The following PRSS27 variants were observed in gnomAD, a reference collection of about 807,000 sequenced individuals.
PRSS27 encodes serine protease 27.
A neutral mutation model predicts 32.0 loss-of-function variants in PRSS27; 25 were observed. The observed-to-expected ratio is 0.78, with a 90% CI of 0.57 to 1.09. The LOEUF (loss-of-function observed/expected upper bound fraction) is 1.09. PRSS27 is among the 50% of genes least tolerant of loss of function. The pLI, the probability that PRSS27 is intolerant of heterozygous loss-of-function variation, is 0.00. For missense variants in PRSS27, 401 were observed against 394.9 expected (o/e 1.02, Z -0.13); for synonymous variants, 178 against 172.2 (o/e 1.03, Z -0.26).
rs1329415199 is a variant in PRSS27 at position 2,712,785 on chromosome 16, G to A, written c.708C>T (p.Leu236=). 7.6e-6 allele frequency: 12 copies of A among 1,583,370 alleles called. No homozygotes were observed. The highest frequency in any genetic ancestry group is 2.3e-5 in the East Asian group (1 of 43,744). The change falls in exon 6 of 6, where the codon CTC becomes CTT. Residue 236 remains leucine (L), a synonymous_variant. Coordinates refer to ENST00000302641, the MANE Select transcript of PRSS27 (RefSeq NM_031948.5). The surrounding 1 kb of genome is among the most constrained non-coding windows in gnomAD (Gnocchi z 4.6). The stretch of plus-strand genomic sequence containing the variant: ...CCGCCTGCAGCCACGACTGACCCAC[G>A]AGGCACACCAGGGGGCCGCCCGAGT... ...KGDSGGPLVC[L]VGQSWLQAGV...
chr16:2,714,135 A>T lies in PRSS27; in HGVS notation c.438T>A (p.Pro146=). The part of the protein sequence containing the change: ...FTNYILPVCL[P]DPSVIFETGM... ...CCGTCTCAAAGATCACCGAGGGGTC[A>T]GGCAGGCACACGGGGAGGATGTAAT... The change falls in exon 4 of 6, where the codon CCT becomes CCA. Residue 146 remains proline (P), a synonymous_variant. Coordinates refer to ENST00000302641, the MANE Select transcript of PRSS27 (RefSeq NM_031948.5). This position sits in a 1 kb window ranked among gnomAD's most constrained non-coding sequence, Gnocchi z 4.7. 1 of 1,614,156 alleles carries T rather than the reference A, an allele frequency of 6.2e-7. No individual in the cohort carries two copies. Among genetic ancestry groups the T allele is most frequent in the Non-Finnish European group, 8.5e-7 (1 of 1,180,030 alleles).
rs75206622 is a variant in PRSS27 at position 2,714,144 on chromosome 16, C to T, written c.429G>A (p.Val143=). 4,144 of 1,614,178 alleles carry T rather than the reference C, an allele frequency of 2.6e-3. 97 individuals are homozygous for T. The African/African-American group carries it at 0.043, about 17-fold the overall frequency. Residue 143 remains valine (V), a synonymous_variant, in exon 4 of 6, where the codon GTG becomes GTA. Transcript: ENST00000302641. This position sits in a 1 kb window ranked among gnomAD's most constrained non-coding sequence, Gnocchi z 4.7. Reference sequence around the variant, plus strand: ...AGATCACCGAGGGGTCAGGCAGGCACACGGGGAGGATGTAATTGGTGAAGG... The same window carrying T: ...AGATCACCGAGGGGTCAGGCAGGCATACGGGGAGGATGTAATTGGTGAAGG... ...PVPFTNYILP[V]CLPDPSVIFE...
chr16:2,714,516 C>T lies in PRSS27; in HGVS notation c.237-180G>A, dbSNP rs780705329. Reference sequence around the variant, plus strand: ...ATGCGTGTTGACATTGAAGCCAGACCGCCCGACTCAGATTTCCACCTCCAC... The same window carrying T: ...ATGCGTGTTGACATTGAAGCCAGACTGCCCGACTCAGATTTCCACCTCCAC... On this transcript the variant is annotated intron_variant, in intron 3 of 5. Transcript: ENST00000302641. The surrounding 1 kb of genome is among the most constrained non-coding windows in gnomAD (Gnocchi z 4.7). 4.7e-5 allele frequency: 32 copies of T among 684,924 alleles called. No individual in the cohort carries two copies. The highest frequency in any genetic ancestry group is 1.4e-4 in the East Asian group (5 of 36,576). The allele number at this position is 684,924 out of a possible 1,614,324, so 42.4% of individuals were successfully genotyped here.
chr16:2,713,893 C>T (rs1327061961), intron 4 of PRSS27, among the ~76,000 whole-genome samples, 172 bp downstream of exon 4: 1 of 152,190 alleles, frequency 6.6e-6, no homozygotes, highest in African/African-American at 2.4e-5. Context: ...TCCCTTCACC[C>T]CCTCTTCCTT....
In PRSS27 at chr16:2,714,406, G is replaced by T; in HGVS notation, c.237-70C>A. 2 of 1,537,006 alleles carry T rather than the reference G, an allele frequency of 1.3e-6. No homozygotes were observed. The highest frequency in any genetic ancestry group is 1.8e-6 in the Non-Finnish European group (2 of 1,138,712). ...GGGGACAGGCCCGGGAGGGGCTGGG[G>T]CTCCTCTGGCCACCACCGTGCCCCA... On this transcript the variant is annotated intron_variant, in intron 3 of 5. Transcript: ENST00000302641. This position sits in a 1 kb window ranked among gnomAD's most constrained non-coding sequence, Gnocchi z 4.7.
chr16:2,716,325 G>C (rs572864119), intron 2 of PRSS27, 175 bp downstream of exon 2: 34 of 666,480 alleles, frequency 5.1e-5, no homozygotes, highest in Non-Finnish European at 8.5e-5. Context: ...TCCTGCTCTT[G>C]TGTGGACCTT....
chr16:2,712,944 C>T lies in PRSS27; in HGVS notation c.679-130G>A. ...ATCCCAGAGCCTCTCTGCCCGGCTC[C>T]CCATCCCCTGCCAGTCCGATTGTCT... On this transcript the variant is annotated intron_variant, in intron 5 of 5. Transcript: ENST00000302641. The surrounding 1 kb of genome is among the most constrained non-coding windows in gnomAD (Gnocchi z 4.6). 2 of 719,498 alleles carry T rather than the reference C, an allele frequency of 2.8e-6. No homozygotes were observed. The highest frequency in any genetic ancestry group is 4.4e-6 in the Non-Finnish European group (2 of 451,384). The allele number at this position is 719,498 out of a possible 1,614,324, so 44.6% of individuals were successfully genotyped here. A position where few individuals can be genotyped will look rare whatever the true frequency, so the allele number is the denominator to read the frequency against.
In PRSS27 at chr16:2,712,474, T is replaced by C. The variant is rs980023982; in HGVS notation, c.*146A>G. On this transcript the variant is annotated 3_prime_UTR_variant, in exon 6 of 6. Transcript: ENST00000302641. This position sits in a 1 kb window ranked among gnomAD's most constrained non-coding sequence, Gnocchi z 4.6. ...AGAAACATAAATAAAATAAGGGTATTTGAGAGGGGAGGAAGGAGCGCTATT... is the reference window on the plus strand; with the variant it reads ...AGAAACATAAATAAAATAAGGGTATCTGAGAGGGGAGGAAGGAGCGCTATT... The C allele has an allele frequency of 4.4e-5, 29 of 654,860 alleles. No homozygotes were observed. The highest frequency in any genetic ancestry group is 6.8e-5 in the Non-Finnish European group (27 of 399,268). The allele number at this position is 654,860 out of a possible 1,614,324, so 40.6% of individuals were successfully genotyped here.
rs111375664 is a variant in PRSS27 at position 2,715,699 on chromosome 16, C to T, written c.236+19G>A. On this transcript the variant is annotated intron_variant, in intron 3 of 5. Coordinates refer to ENST00000302641, the MANE Select transcript of PRSS27 (RefSeq NM_031948.5). ...GCGCTGTCAGCGCTATGGGCGGGGG[C>T]AGGGGCGGGCGGACTCACTTGCGGA... 4.1e-3 allele frequency: 6,264 copies of T among 1,512,550 alleles called. 202 individuals carry two copies. The African/African-American group carries it at 0.07, about 17-fold the overall frequency. 93.7% of individuals were successfully genotyped at this position (1,512,550 alleles called of 1,614,324 possible).
Position 2,712,807 on chromosome 16 carries a change from G to A in PRSS27, c.686C>T (p.Ser229Leu), listed in dbSNP as rs767718592. The A allele has an allele frequency of 2.2e-5, 35 of 1,561,652 alleles. No individual in the cohort carries two copies. The South Asian group carries it at 2.5e-4, about 11-fold the overall frequency. ...EGKKDACKGD[S>L]GGPLVCLVGQ... ...CACGAGGCACACCAGGGGGCCGCCC[G>A]AGTCGCCCTGCGGGGGACGCAGAGT... The change falls in exon 6 of 6, where the codon TCG becomes TTG. Residue 229 changes from serine to leucine, a missense_variant. Ser to Leu is a moderately radical substitution (Grantham distance 145). Coordinates refer to ENST00000302641, the MANE Select transcript of PRSS27 (RefSeq NM_031948.5). This position sits in a 1 kb window ranked among gnomAD's most constrained non-coding sequence, Gnocchi z 4.6.
At position 2,714,210 on chromosome 16, in the gene PRSS27, G is replaced by A; in HGVS notation, c.363C>T (p.Ser121=). ...GCTCCACCAGGGCCACGTCAGCGCT[G>A]GAGGCCGTGCCCTGGTACAGGGGGT... is the stretch of plus-strand genomic sequence containing the variant. The part of the protein sequence containing the change: ...ESNPLYQGTA[S]SADVALVELE... The change falls in exon 4 of 6, where the codon TCC becomes TCT. Residue 121 remains serine, a synonymous_variant. Transcript: ENST00000302641. The surrounding 1 kb of genome is among the most constrained non-coding windows in gnomAD (Gnocchi z 4.7). The A allele has an allele frequency of 6.2e-7, 1 of 1,613,964 alleles. No homozygotes were observed. Among genetic ancestry groups the A allele is most frequent in the Non-Finnish European group, 8.5e-7 (1 of 1,180,006 alleles).
chr16:2,716,578 C>G (rs1458234442), intron 1 of PRSS27, 52 bp from the exon 2 acceptor site: 1 of 1,548,294 alleles, frequency 6.5e-7, no homozygotes, highest in African/African-American at 1.3e-5. Context: ...CTGGCCTGCC[C>G]TCCCCAACCC....
rs530071741 is a variant in PRSS27 at position 2,714,694 on chromosome 16, C to T, written c.237-358G>A. On this transcript the variant is annotated intron_variant, in intron 3 of 5. Coordinates refer to ENST00000302641, the MANE Select transcript of PRSS27 (RefSeq NM_031948.5). This position sits in a 1 kb window ranked among gnomAD's most constrained non-coding sequence, Gnocchi z 4.7. Reference sequence around the variant, plus strand: ...GGTGCAGCAGGGCCAGCCCCACCTGCGGGCCTCTGGCAGGTGACCTGCCCT... The same window carrying T: ...GGTGCAGCAGGGCCAGCCCCACCTGTGGGCCTCTGGCAGGTGACCTGCCCT... 1.9e-4 allele frequency: 57 copies of T among 295,114 alleles called. No individual in the cohort carries two copies. Among genetic ancestry groups the T allele is most frequent in the South Asian group, 5.0e-4 (14 of 28,156 alleles). The allele number at this position is 295,114 out of a possible 1,614,324, so 18.3% of individuals were successfully genotyped here.
intron 3 of PRSS27, 112 bp downstream of exon 3, chr16:2,715,606 C>T (rs1351140353): frequency 1.2e-5 from 10 of 810,956 alleles, no homozygotes. Context: ...CAGGAGCCCC[C>T]AGGGAGGTCA....
intron 1 of PRSS27, 133 bp downstream of exon 1, chr16:2,719,982 G>T (rs2067725125): frequency 3.6e-6 from 3 of 829,484 alleles, no homozygotes; most frequent in Non-Finnish European, 1.9e-6. Flanking sequence ...CTGCTCAGGG[G>T]CAGGAGGGAT....
At chr16:2,716,311 C>T in intron 2 of PRSS27, 189 bp downstream of exon 2, 2 of 641,098 alleles carry the variant, frequency 3.1e-6, no homozygotes, top group Admixed American at 2.5e-5. Context: ...CTCTGTGCTG[C>T]CCGTCCTGCT....
chr16:2,713,930 C>T (rs937909312), intron 4 of PRSS27, 135 bp downstream of exon 4: 7 of 1,126,312 alleles, frequency 6.2e-6, no homozygotes, highest in Admixed American at 2.2e-5. Flanking sequence ...TCCCCTCGGC[C>T]CCACCTGTGT....
chr16:2,712,514 G>A lies in PRSS27; in HGVS notation c.*106C>T, dbSNP rs1227385719. Reference sequence around the variant, plus strand: ...GGAGCGCTATTTACAAATGAGTCTGGTGGGGCTCACAGGTGCAACAGCAGC... The same window carrying A: ...GGAGCGCTATTTACAAATGAGTCTGATGGGGCTCACAGGTGCAACAGCAGC... On this transcript the variant is annotated 3_prime_UTR_variant, in exon 6 of 6. Coordinates refer to ENST00000302641, the MANE Select transcript of PRSS27 (RefSeq NM_031948.5). The surrounding 1 kb of genome is among the most constrained non-coding windows in gnomAD (Gnocchi z 4.6). 2.2e-6 allele frequency: 2 copies of A among 902,844 alleles called. No individual in the cohort carries two copies. The highest frequency in any genetic ancestry group is 1.7e-5 in the South Asian group (1 of 58,992). 55.9% of individuals were successfully genotyped at this position (902,844 alleles called of 1,614,324 possible). A position where few individuals can be genotyped will look rare whatever the true frequency, so the allele number is the denominator to read the frequency against.
At chr16:2,716,864 C>G in intron 1 of PRSS27, 1 of 375,220 alleles carries the variant, frequency 2.7e-6, no homozygotes, top group Middle Eastern at 7.5e-4. Context: ...CACTCCACAC[C>G]CATCCTTGTC....
Sources: allele counts gnomAD v4.1 joint callset (sites outside exome capture counted in the v4.1 genomes callset), GRCh38; gene constraint gnomAD v4.1.1; non-coding constraint Gnocchi (gnomAD v3.1); transcripts MANE v1.5; gene names NCBI Gene and HGNC (gene_info 2026-07-23, HGNC 2026-07-21).